LRRIQ3: variants seen among roughly 807,000 people sequenced by gnomAD.
LRRIQ3 encodes leucine rich repeats and IQ motif containing 3.
Under a neutral mutation model 59.3 loss-of-function variants are expected in LRRIQ3, and 75 were observed. The ratio of observed to expected loss-of-function variants is 1.26; its 90% CI spans 1.05 to 1.53. The LOEUF (loss-of-function observed/expected upper bound fraction) is 1.53. Ranked by LOEUF, LRRIQ3 falls within the 40% of genes most tolerant of loss-of-function variation. The pLI, the probability that LRRIQ3 is intolerant of heterozygous loss-of-function variation, is 0.00. For missense variants in LRRIQ3, 831 were observed against 710.0 expected (o/e 1.17, Z -1.94); for synonymous variants, 250 against 231.3 (o/e 1.08, Z -0.73).
intron 5 of LRRIQ3, among the ~76,000 whole-genome samples, chr1:74,075,480 T>C (rs1242295017): frequency 1.3e-5 from 2 of 151,758 alleles, no homozygotes; most frequent in East Asian, 1.9e-4. Flanking sequence ...GGCAGGAGGA[T>C]TACTTGAACC....
At chr1:74,103,525 A>C (rs1224621360) in intron 5 of LRRIQ3, among the ~76,000 whole-genome samples, 1 of 152,028 alleles carries the variant, frequency 6.6e-6, no homozygotes, top group East Asian at 1.9e-4. Flanking sequence ...TTTACTTTCC[A>C]GCATAAGGAA....
At chr1:74,156,283 A>T (rs774649600) in intron 3 of LRRIQ3, among the ~76,000 whole-genome samples, 127 of 152,254 alleles carry the variant, frequency 8.3e-4, no homozygotes, top group Non-Finnish European at 1.6e-3. Context: ...TGAGGCCCTT[A>T]CCAGAAACAG....
chr1:74,145,167 A>G (rs760417831), intron 4 of LRRIQ3, among the ~76,000 whole-genome samples: 1 of 152,106 alleles, frequency 6.6e-6, no homozygotes, highest in Non-Finnish European at 1.5e-5. Flanking sequence ...TTTTCCTAAG[A>G]GCTAAGGCCA....
In LRRIQ3 at chr1:74,198,158, G is replaced by T. The variant is rs1277084261; in HGVS notation, c.-163C>A. ...CATGGTTTTCCGGGCGCCAGCCAAG[G>T]CGCTCCGGGGGCGTGGTTACGTGGG... On this transcript the variant is annotated 5_prime_UTR_variant, in exon 1 of 8. Coordinates refer to ENST00000354431, the MANE Select transcript of LRRIQ3 (RefSeq NM_001105659.2). The T allele has an allele frequency of 1.5e-5, 22 of 1,506,664 alleles. No homozygotes were observed. The highest frequency in any genetic ancestry group is 1.9e-5 in the Non-Finnish European group (22 of 1,131,740). 93.3% of individuals were successfully genotyped at this position (1,506,664 alleles called of 1,614,324 possible). A position where few individuals can be genotyped will look rare whatever the true frequency, so the allele number is the denominator to read the frequency against.
chr1:74,159,392 C>T (rs1054994205), intron 3 of LRRIQ3, among the ~76,000 whole-genome samples: 2 of 152,124 alleles, frequency 1.3e-5, no homozygotes, highest in African/African-American at 4.8e-5. Flanking sequence ...CTATAACTGG[C>T]ATTTGATTAT....
At chr1:74,083,614 T>C (rs968737697) in intron 5 of LRRIQ3, 4 of 151,908 alleles carry the variant, frequency 2.6e-5, no homozygotes, top group African/African-American at 9.6e-5. Flanking sequence ...TGTGATTCAA[T>C]AGTTAATATT....
At chr1:74,063,493 C>T (rs74910531) in intron 6 of LRRIQ3, among the ~76,000 whole-genome samples, 1,731 of 152,102 alleles carry the variant, frequency 0.011, 48 homozygotes, top group East Asian at 0.054. Context: ...ATAAATGTCT[C>T]CAATTCTTAT....
chr1:74,190,747 A>T (rs1403525746), intron 1 of LRRIQ3, among the ~76,000 whole-genome samples: 1 of 150,146 alleles, frequency 6.7e-6, no homozygotes, highest in Non-Finnish European at 1.5e-5. Flanking sequence ...AATCAAAGGT[A>T]AAAAAAAAAT....
intron 1 of LRRIQ3, among the ~76,000 whole-genome samples, chr1:74,196,490 T>C (rs1455127817): frequency 6.6e-6 from 1 of 152,168 alleles, no homozygotes; most frequent in Non-Finnish European, 1.5e-5. Flanking sequence ...GACTCGTATG[T>C]ATAATGCATA....
Position 74,109,668 on chromosome 1 carries a change from A to C in LRRIQ3, c.708-115T>G, listed in dbSNP as rs910107810. Reference sequence around the variant, plus strand: ...AACATAGTGTTAAATTGAATGTAATAATATATTTATTTTCATAGTAGTGTT... The same window carrying C: ...AACATAGTGTTAAATTGAATGTAATCATATATTTATTTTCATAGTAGTGTT... On this transcript the variant is annotated intron_variant, in intron 4 of 7. Coordinates refer to ENST00000354431, the MANE Select transcript of LRRIQ3 (RefSeq NM_001105659.2). 4 of 797,988 alleles carry C rather than the reference A, an allele frequency of 5.0e-6. No homozygotes were observed. The African/African-American group carries it at 7.2e-5, about 14-fold the overall frequency. The allele number at this position is 797,988 out of a possible 1,614,324, so 49.4% of individuals were successfully genotyped here. A position where few individuals can be genotyped will look rare whatever the true frequency, so the allele number is the denominator to read the frequency against.
intron 4 of LRRIQ3, among the ~76,000 whole-genome samples, chr1:74,139,593 T>C (rs979181763): frequency 6.6e-6 from 1 of 151,946 alleles, no homozygotes; most frequent in Non-Finnish European, 1.5e-5. Flanking sequence ...ATTAAAACTT[T>C]TATTCCACAT....
chr1:74,128,327 A>G (rs948211914), intron 4 of LRRIQ3, among the ~76,000 whole-genome samples: 1 of 151,922 alleles, frequency 6.6e-6, no homozygotes, highest in African/African-American at 2.4e-5. Flanking sequence ...TTGTGATGGC[A>G]TGTCTTAAAG....
At chr1:74,130,642 C>T (rs1374478378) in intron 4 of LRRIQ3, among the ~76,000 whole-genome samples, 3 of 152,040 alleles carry the variant, frequency 2.0e-5, no homozygotes, top group Non-Finnish European at 4.4e-5. Flanking sequence ...CAATTTGGTG[C>T]TTCTGCAAGG....
intron 5 of LRRIQ3, 63 bp from the exon 6 acceptor site, chr1:74,074,853 G>A: frequency 1.2e-6 from 1 of 819,288 alleles, no homozygotes; most frequent in Non-Finnish European, 1.7e-6. Flanking sequence ...AGTTCTTCAA[G>A]GGTTTTCACA....
At chr1:74,144,013 G>A (rs1380244478) in intron 4 of LRRIQ3, among the ~76,000 whole-genome samples, 1 of 151,732 alleles carries the variant, frequency 6.6e-6, no homozygotes, top group African/African-American at 2.4e-5. Flanking sequence ...AAGCATTAAC[G>A]ATGTACATTT....
At chr1:74,060,408 T>A (rs1456845580) in intron 6 of LRRIQ3, among the ~76,000 whole-genome samples, 2 of 151,748 alleles carry the variant, frequency 1.3e-5, no homozygotes, top group Non-Finnish European at 2.9e-5. Context: ...CTTTTCTACT[T>A]CTTTTTTTCT....
chr1:74,105,426 A>G (rs1446702683), intron 5 of LRRIQ3, among the ~76,000 whole-genome samples: 1 of 151,708 alleles, frequency 6.6e-6, no homozygotes, highest in Non-Finnish European at 1.5e-5. Flanking sequence ...TAATTTTTGT[A>G]TTTTTAGTAG....
chr1:74,113,994 T>C lies in LRRIQ3; in HGVS notation c.708-4441A>G, dbSNP rs186455327. Among the ~76,000 whole-genome samples, 58 of 151,748 alleles carry C rather than the reference T, an allele frequency of 3.8e-4. No homozygotes were observed. The East Asian group carries it at 0.011, about 29-fold the overall frequency. Reference sequence around the variant, plus strand: ...CTCTATATATATACACACAACTATATATATAATTGTATCATTTTATGTGTA... The same window carrying C: ...CTCTATATATATACACACAACTATACATATAATTGTATCATTTTATGTGTA... On this transcript the variant is annotated intron_variant, in intron 4 of 7. Coordinates refer to ENST00000354431, the MANE Select transcript of LRRIQ3 (RefSeq NM_001105659.2).
intron 6 of LRRIQ3, among the ~76,000 whole-genome samples, chr1:74,066,187 G>GAAAAAAAAAAAAAAAAAAAAAAAAAA: frequency 8.3e-6 from 1 of 119,888 alleles, no homozygotes; most frequent in Non-Finnish European, 1.7e-5. Flanking sequence ...ACTCTGTCTC[G>GAAAAAAAAAAAAAAAAAAAAAAAAAA]AAAAAAAAAA....
Sources: allele counts gnomAD v4.1 joint callset (sites outside exome capture counted in the v4.1 genomes callset), GRCh38; gene constraint gnomAD v4.1.1; transcripts MANE v1.5; gene names NCBI Gene and HGNC (gene_info 2026-07-23, HGNC 2026-07-21).